MACROD2: variants seen among roughly 807,000 people sequenced by gnomAD.
MACROD2 encodes the protein mono-ADP ribosylhydrolase 2, also known as ADP-ribose glycohydrolase MACROD2.
Under a neutral mutation model 70.4 loss-of-function variants are expected in MACROD2, and 36 were observed. The observed-to-expected ratio is 0.51, with a 90% CI of 0.39 to 0.68. The LOEUF (loss-of-function observed/expected upper bound fraction) is 0.68. MACROD2 is among the 30% of genes least tolerant of loss of function. MACROD2 has a pLI of 0.00. For missense variants in MACROD2, 496 were observed against 538.4 expected (o/e 0.92, Z 0.78); for synonymous variants, 172 against 178.8 (o/e 0.96, Z 0.30).
chr20:14,041,872 A>G lies in MACROD2; in HGVS notation c.163+39468A>G, dbSNP rs1011028596. Among the ~76,000 whole-genome samples, 10 of 152,118 alleles carry G rather than the reference A, an allele frequency of 6.6e-5. No individual in the cohort carries two copies. The East Asian group carries it at 1.3e-3, about 21-fold the overall frequency. On this transcript the variant is annotated intron_variant, in intron 2 of 17. Coordinates refer to ENST00000684519, the MANE Select transcript of MACROD2 (RefSeq NM_001351661.2). ...GAGCAGAGTCTGCTCACAAAATCCA[A>G]TAGCCTTCCATTATGGGGTTGATGG...
chr20:15,298,174 A>C (rs951772665), intron 6 of MACROD2, among the ~76,000 whole-genome samples: 1 of 152,190 alleles, frequency 6.6e-6, no homozygotes, highest in African/African-American at 2.4e-5. Flanking sequence ...TCCTTTTGAA[A>C]AAGCTCTCAG....
At chr20:15,682,002 A>T (rs559500349) in intron 8 of MACROD2, among the ~76,000 whole-genome samples, 2 of 152,068 alleles carry the variant, frequency 1.3e-5, no homozygotes, top group South Asian at 4.1e-4. Flanking sequence ...TTTTTGGCTC[A>T]GAGTCTTTGC....
chr20:15,369,109 A>G (rs2045455215), intron 6 of MACROD2, among the ~76,000 whole-genome samples: 1 of 152,200 alleles, frequency 6.6e-6, no homozygotes, highest in African/African-American at 2.4e-5. Flanking sequence ...ATATTTACTC[A>G]CTAGAGAGGA....
chr20:14,994,463 C>G (rs543261099), intron 5 of MACROD2, among the ~76,000 whole-genome samples: 6 of 151,930 alleles, frequency 3.9e-5, no homozygotes, highest in Non-Finnish European at 7.4e-5. Flanking sequence ...GCAGATGGCA[C>G]GGGAGCAGGT....
intron 5 of MACROD2, among the ~76,000 whole-genome samples, chr20:15,133,462 A>G (rs965834315): frequency 6.6e-6 from 1 of 152,160 alleles, no homozygotes; most frequent in African/African-American, 2.4e-5. Context: ...CATAAATATA[A>G]ATCATAGGGA....
intron 3 of MACROD2, among the ~76,000 whole-genome samples, chr20:14,160,608 CTTCTT>C (rs2055171265): frequency 6.6e-6 from 1 of 151,888 alleles, no homozygotes; most frequent in African/African-American, 2.4e-5. Context: ...GGTCTTTGCT[CTTCTT>C]TTCTGTGTTA....
intron 4 of MACROD2, among the ~76,000 whole-genome samples, chr20:14,562,227 G>A (rs2123294358): frequency 6.6e-6 from 1 of 151,806 alleles, no homozygotes; most frequent in East Asian, 2.0e-4. Flanking sequence ...TCGTCTACAT[G>A]GAAAGAGATT....
chr20:14,336,538 TTTCCTATTATAAGTTGCAAAGAA>T (rs1221522024), intron 3 of MACROD2, among the ~76,000 whole-genome samples: 2 of 152,136 alleles, frequency 1.3e-5, no homozygotes, highest in African/African-American at 4.8e-5. Context: ...AATATAAGAT[TTTCCTATTATAAGTTGCAAAGAA>T]TGGATCCTCT....
chr20:15,811,138 G>C (rs1287810042), intron 8 of MACROD2, among the ~76,000 whole-genome samples: 2 of 152,148 alleles, frequency 1.3e-5, no homozygotes, highest in African/African-American at 4.8e-5. Context: ...ACTGCCATCA[G>C]AGTGAACAGG....
At chr20:15,076,885 G>A (rs1158628417) in intron 5 of MACROD2, among the ~76,000 whole-genome samples, 1 of 152,136 alleles carries the variant, frequency 6.6e-6, no homozygotes, top group East Asian at 1.9e-4. Flanking sequence ...GTGAATGAAT[G>A]CAATGAATGA....
intron 6 of MACROD2, among the ~76,000 whole-genome samples, chr20:15,274,266 T>G (rs765241346): frequency 5.2e-4 from 79 of 152,222 alleles, no homozygotes; most frequent in Non-Finnish European, 8.8e-5. Flanking sequence ...TCCATTCATT[T>G]GATGAAAGAG....
chr20:15,474,458 G>A (rs2046996469), intron 7 of MACROD2, among the ~76,000 whole-genome samples: 1 of 152,184 alleles, frequency 6.6e-6, no homozygotes, highest in African/African-American at 2.4e-5. Context: ...ACACTCTACA[G>A]TGGAGATCTT....
chr20:15,646,769 G>T (rs777641143), intron 8 of MACROD2, among the ~76,000 whole-genome samples: 1 of 152,146 alleles, frequency 6.6e-6, no homozygotes, highest in Non-Finnish European at 1.5e-5. Flanking sequence ...TTGTGAAAAA[G>T]GTGCCTTGCT....
intron 8 of MACROD2, among the ~76,000 whole-genome samples, chr20:15,785,151 CAAAA>C (rs398035431): frequency 0.25 from 25,642 of 103,620 alleles, 2,689 homozygotes; most frequent in African/African-American, 0.4. Flanking sequence ...GACTCCGTCT[CAAAA>C]AAAAAAAAAA....
intron 6 of MACROD2, among the ~76,000 whole-genome samples, chr20:15,423,826 T>TA (rs1387739751): frequency 6.6e-6 from 1 of 152,046 alleles, no homozygotes; most frequent in African/African-American, 2.4e-5. Flanking sequence ...TGGAGTGTCT[T>TA]ACTCGGTTCG....
chr20:14,076,021 T>C (rs1334086266), intron 2 of MACROD2, among the ~76,000 whole-genome samples: 1 of 152,196 alleles, frequency 6.6e-6, no homozygotes, highest in East Asian at 1.9e-4. Context: ...ATAGAACAGG[T>C]AACCTAATTT....
chr20:16,040,522 T>A (rs1166416929), intron 15 of MACROD2, among the ~76,000 whole-genome samples: 24 of 151,982 alleles, frequency 1.6e-4, no homozygotes, highest in Admixed American at 1.6e-3. Flanking sequence ...CAAGAAATGA[T>A]TGTCCTTTTG....
At chr20:15,310,323 C>G (rs2077738700) in intron 6 of MACROD2, among the ~76,000 whole-genome samples, 1 of 152,108 alleles carries the variant, frequency 6.6e-6, no homozygotes, top group Non-Finnish European at 1.5e-5. Context: ...TGTTGAAAGC[C>G]TAAAATGCCT....
rs551362481 is a variant in MACROD2 at position 14,782,331 on chromosome 20, T to C, written c.418+97372T>C. On this transcript the variant is annotated intron_variant, in intron 5 of 17. Coordinates refer to ENST00000684519, the MANE Select transcript of MACROD2 (RefSeq NM_001351661.2). ...TGGATCAAATAATGAAATAGAGAGTTATGCTCCCTAGGGCCTTAACTATCT... is the reference window on the plus strand; with the variant it reads ...TGGATCAAATAATGAAATAGAGAGTCATGCTCCCTAGGGCCTTAACTATCT... 3.3e-5 allele frequency among the ~76,000 whole-genome samples: 5 copies of C among 152,250 alleles called. No homozygotes were observed. The South Asian group carries it at 1.0e-3, about 32-fold the overall frequency.
Sources: allele counts gnomAD v4.1 joint callset (sites outside exome capture counted in the v4.1 genomes callset), GRCh38; gene constraint gnomAD v4.1.1; transcripts MANE v1.5; gene names NCBI Gene and HGNC (gene_info 2026-07-23, HGNC 2026-07-21).